GABRB2: variants seen among roughly 807,000 people sequenced by gnomAD.
GABRB2 encodes gamma-aminobutyric acid type A receptor subunit beta2.
A neutral mutation model predicts 54.7 loss-of-function variants in GABRB2; 16 were observed. The observed-to-expected ratio is 0.29, with a 90% confidence interval of 0.20 to 0.44. GABRB2 has a LOEUF of 0.44. GABRB2 is among the 20% of genes least tolerant of loss of function. The pLI, the probability that GABRB2 is intolerant of heterozygous loss-of-function variation, is 1.00. For synonymous variants in GABRB2, 244 were observed against 233.8 expected (o/e 1.04, Z -0.40); for missense variants, 355 against 644.0 (o/e 0.55, Z 4.86).
At chr5:161,412,115 G>A (rs1306749405) in intron 4 of GABRB2, among the ~76,000 whole-genome samples, 1 of 152,100 alleles carries the variant, frequency 6.6e-6, no homozygotes, top group Non-Finnish European at 1.5e-5. Flanking sequence ...TGGGAGAAAC[G>A]ATCTATAGCT....
At chr5:161,374,975 C>T (rs1268593733) in intron 5 of GABRB2, among the ~76,000 whole-genome samples, 2 of 152,124 alleles carry the variant, frequency 1.3e-5, no homozygotes, top group Non-Finnish European at 2.9e-5. Flanking sequence ...AATATTCCTG[C>T]TAGACAAAAA....
chr5:161,427,360 C>T (rs888387784), intron 4 of GABRB2, among the ~76,000 whole-genome samples: 2 of 152,102 alleles, frequency 1.3e-5, no homozygotes, highest in African/African-American at 4.8e-5. Context: ...AGAAAGATTA[C>T]TTGGCGGATA....
intron 5 of GABRB2, among the ~76,000 whole-genome samples, chr5:161,337,140 C>A (rs71605489): frequency 0.022 from 3,284 of 152,228 alleles, 56 homozygotes; most frequent in Non-Finnish European, 0.033. Flanking sequence ...TTCTATCAAA[C>A]ATTATCACAT....
rs554129941 is a variant in GABRB2 at position 161,457,488 on chromosome 5, C to G, written c.458+2136G>C. ...TGAGATGGAGTCTTGCCATGTCACC[C>G]AGGCTGGAGTGCAGTGGCGCGATCT... On this transcript the variant is annotated intron_variant, in intron 4 of 9. Coordinates refer to ENST00000393959, the MANE Select transcript of GABRB2 (RefSeq NM_001371727.1). 7.9e-5 allele frequency among the ~76,000 whole-genome samples: 12 copies of G among 151,064 alleles called. No homozygotes were observed. In the South Asian group the frequency reaches 2.5e-3, roughly 32 times the overall value.
At chr5:161,457,731 C>A (rs1396582917) in intron 4 of GABRB2, among the ~76,000 whole-genome samples, 2 of 152,048 alleles carry the variant, frequency 1.3e-5, no homozygotes, top group Non-Finnish European at 2.9e-5. Flanking sequence ...CATGTGTGAG[C>A]CACTGCGCTC....
At chr5:161,318,452 A>G (rs927422009) in intron 9 of GABRB2, among the ~76,000 whole-genome samples, 3 of 152,162 alleles carry the variant, frequency 2.0e-5, no homozygotes, top group Admixed American at 1.3e-4. Flanking sequence ...CTCCCAAATC[A>G]TTGCTCACTG....
At chr5:161,459,334 C>T (rs755121253) in intron 4 of GABRB2, 2 of 393,458 alleles carry the variant, frequency 5.1e-6, no homozygotes, top group Non-Finnish European at 4.7e-6. Flanking sequence ...TTAAAGAAAC[C>T]CTATGTCTCA....
chr5:161,440,154 A>G (rs1757427946), intron 4 of GABRB2, among the ~76,000 whole-genome samples: 1 of 152,016 alleles, frequency 6.6e-6, no homozygotes, highest in South Asian at 2.1e-4. Context: ...TCACCTTCAC[A>G]AAAGGGAGAC....
chr5:161,368,108 C>T (rs1324455296), intron 5 of GABRB2, among the ~76,000 whole-genome samples: 2 of 119,364 alleles, frequency 1.7e-5, no homozygotes, highest in East Asian at 2.6e-4. Context: ...ATCCAATTCT[C>T]CCTCTCTGAC....
At chr5:161,343,307 C>G (rs933978500) in intron 5 of GABRB2, among the ~76,000 whole-genome samples, 3 of 151,804 alleles carry the variant, frequency 2.0e-5, no homozygotes, top group Admixed American at 6.6e-5. Flanking sequence ...CTAGTGGCAT[C>G]TTAGTAAGGA....
intron 9 of GABRB2, among the ~76,000 whole-genome samples, chr5:161,308,613 T>C (rs971332853): frequency 6.6e-6 from 1 of 152,224 alleles, no homozygotes; most frequent in Non-Finnish European, 1.5e-5. Context: ...CTTCAAATTA[T>C]GCTGTAGGGC....
chr5:161,510,446 T>C (rs868203878), intron 3 of GABRB2, among the ~76,000 whole-genome samples: 2 of 152,096 alleles, frequency 1.3e-5, no homozygotes, highest in Middle Eastern at 3.4e-3. Flanking sequence ...ATTCTTTTTT[T>C]ATGGCCAAAT....
At chr5:161,483,386 A>C (rs1289158955) in intron 3 of GABRB2, among the ~76,000 whole-genome samples, 2 of 152,032 alleles carry the variant, frequency 1.3e-5, no homozygotes, top group South Asian at 2.1e-4. Context: ...TCAAAAAATA[A>C]TTCTGAATGA....
chr5:161,326,406 T>A lies in GABRB2; in HGVS notation c.1153A>T (p.Thr385Ser), dbSNP rs201397195. 26 of 1,613,490 alleles carry A rather than the reference T, an allele frequency of 1.6e-5. No individual in the cohort carries two copies. Among genetic ancestry groups the A allele is most frequent in the Admixed American group, 3.3e-5 (2 of 59,984 alleles). The change falls in exon 9 of 10, where the codon ACT (threonine) becomes TCT (serine). Residue 385 changes from threonine (T) to serine (S), a missense_variant. Thr to Ser is a moderately conservative substitution (Grantham distance 58). Transcript: ENST00000393959. ...AAATCGTAATTGGTAGTCCGTCTAGTTGGGGAGAGGTTTCCAGTAGGGTCC... is the reference window on the plus strand; with the variant it reads ...AAATCGTAATTGGTAGTCCGTCTAGATGGGGAGAGGTTTCCAGTAGGGTCC... ...LWDPTGNLSPTRRTTNYDFSL... is the reference protein window; with the variant it reads ...LWDPTGNLSPSRRTTNYDFSL...
At chr5:161,527,184 C>T (rs1760309459) in intron 3 of GABRB2, among the ~76,000 whole-genome samples, 1 of 146,954 alleles carries the variant, frequency 6.8e-6, no homozygotes, top group Admixed American at 6.8e-5. Flanking sequence ...GAAACACAGA[C>T]CTAAGGACAA....
intron 3 of GABRB2, among the ~76,000 whole-genome samples, chr5:161,462,864 C>T (rs1758154202): frequency 6.6e-6 from 1 of 152,114 alleles, no homozygotes; most frequent in African/African-American, 2.4e-5. Context: ...AAGCATGGTC[C>T]TGTCTTCTAC....
intron 3 of GABRB2, among the ~76,000 whole-genome samples, chr5:161,479,635 G>C (rs929471899): frequency 6.7e-6 from 1 of 149,676 alleles, no homozygotes; most frequent in Non-Finnish European, 1.5e-5. Context: ...ACCCAGGCTG[G>C]GGTGAGTGCA....
intron 3 of GABRB2, among the ~76,000 whole-genome samples, chr5:161,540,313 A>G (rs1207660034): frequency 6.6e-6 from 1 of 152,224 alleles, no homozygotes; most frequent in Non-Finnish European, 1.5e-5. Context: ...CTCATCCTTA[A>G]GAAGCAACTT....
In GABRB2 at chr5:161,288,569, C is replaced by A. The variant is rs1220119765; in HGVS notation, c.*5512G>T. On this transcript the variant is annotated 3_prime_UTR_variant, in exon 10 of 10. Coordinates refer to ENST00000393959, the MANE Select transcript of GABRB2 (RefSeq NM_001371727.1). ...TTCTTATGTGCTATTCATTTATAAT[C>A]CTCATTTTTTACTATCTCATGTATC... 3 of 152,484 alleles carry A rather than the reference C, an allele frequency of 2.0e-5. No individual in the cohort carries two copies. The highest frequency in any genetic ancestry group is 4.4e-5 in the Non-Finnish European group (3 of 68,006). The allele number at this position is 152,484 out of a possible 1,614,324, so 9.4% of individuals were successfully genotyped here.
Sources: allele counts gnomAD v4.1 joint callset (sites outside exome capture counted in the v4.1 genomes callset), GRCh38; gene constraint gnomAD v4.1.1; transcripts MANE v1.5; gene names NCBI Gene and HGNC (gene_info 2026-07-23, HGNC 2026-07-21).